The following LIFR variants were observed in gnomAD, a reference collection of about 807,000 sequenced individuals.
LIFR encodes the protein leukemia inhibitory factor receptor.
In LIFR, 84 loss-of-function variants were observed where a neutral mutation model predicts 122.2. The observed-to-expected ratio is 0.69, with a 90% CI of 0.58 to 0.82. The LOEUF (loss-of-function observed/expected upper bound fraction) is 0.82, where lower values mean the gene tolerates loss of function less well. Among genes scored for constraint, LIFR ranks in the 40% least tolerant of loss-of-function variants. LIFR has a pLI of 0.00. For synonymous variants in LIFR, 422 were observed against 434.7 expected, an observed-to-expected ratio of 0.97 and a Z score of 0.36; for missense variants, 1,294 against 1,311.6, an observed-to-expected ratio of 0.99 and a Z score of 0.21.
chr5:38,502,102 T>C (rs1405057787), intron 11 of LIFR, among the ~76,000 whole-genome samples: 1 of 152,074 alleles, frequency 6.6e-6, no homozygotes, highest in Non-Finnish European at 1.5e-5. Flanking sequence ...ATAGTATAGA[T>C]AGAGGAGCCC....
intron 1 of LIFR, among the ~76,000 whole-genome samples, chr5:38,539,529 C>G (rs1301715877): frequency 6.6e-6 from 1 of 152,130 alleles, no homozygotes; most frequent in East Asian, 1.9e-4. Context: ...TCGGTGAGGA[C>G]TTAAAATATT....
upstream of LIFR, among the ~76,000 whole-genome samples, chr5:38,597,686 G>A (rs1029037975): frequency 2.0e-5 from 3 of 152,172 alleles, no homozygotes; most frequent in East Asian, 1.9e-4. Flanking sequence ...AGCCCCAAAT[G>A]CAGAGGTTGA....
In LIFR at chr5:38,478,948, C is replaced by G; in HGVS notation, c.*2647G>C. 1.3e-5 allele frequency: 3 copies of G among 229,968 alleles called. No homozygotes were observed. The highest frequency in any genetic ancestry group is 2.6e-5 in the Non-Finnish European group (3 of 116,006). The allele number at this position is 229,968 out of a possible 1,614,324, so 14.2% of individuals were successfully genotyped here. A position where few individuals can be genotyped will look rare whatever the true frequency, so the allele number is the denominator to read the frequency against. On this transcript the variant is annotated 3_prime_UTR_variant, in exon 20 of 20. Transcript: ENST00000453190. ...TTAATTGTAGCTTCCAAGGGAGAAG[C>G]CACGAATCTAACTGGACAGAGCACA... is the stretch of plus-strand genomic sequence containing the variant.
Position 38,491,891 on chromosome 5 carries a change from C to T in LIFR, c.2066-1600G>A, listed in dbSNP as rs139086795. On this transcript the variant is annotated intron_variant, in intron 14 of 19. Transcript: ENST00000453190. ...AGGTTATCATTTTATACTGCATGTA[C>T]ATCTGTAAATCTGTACCTCTTTTTA... 7.1e-3 allele frequency among the ~76,000 whole-genome samples: 1,087 copies of T among 152,242 alleles called. 17 individuals are homozygous for T. Among genetic ancestry groups the T allele is most frequent in the Admixed American group, 0.034 (515 of 15,292 alleles).
rs111355677 is a variant in LIFR at position 38,584,612 on chromosome 5, G to GA, written c.-20+10648dup. Among the ~76,000 whole-genome samples the GA allele has an allele frequency of 1.6e-3, 234 of 147,938 alleles. 2 individuals are homozygous for GA. Among genetic ancestry groups the GA allele is most frequent in the African/African-American group, 5.4e-3 (217 of 40,492 alleles). On this transcript the variant is annotated intron_variant, in intron 1 of 19. Transcript: ENST00000263409. Reference sequence around the variant, plus strand: ...ATGCTCCGTGAGTAAGCCAGACACAGAAAAAAAAAATAGTGCAAGACCTAA... The same window carrying GA: ...ATGCTCCGTGAGTAAGCCAGACACAGAAAAAAAAAAATAGTGCAAGACCTAA...
Position 38,479,339 on chromosome 5 carries a change from G to A in LIFR, c.*2256C>T, listed in dbSNP as rs1028650851. On this transcript the variant is annotated 3_prime_UTR_variant, in exon 20 of 20. Transcript: ENST00000453190. ...CTCGTGTAGGGGATCCAAAAGTAGG[G>A]GAAAGGTGAGTGATATTCTGCACTT... The A allele has an allele frequency of 1.4e-4, 32 of 230,802 alleles. No individual in the cohort carries two copies. The Admixed American group carries it at 1.8e-3, about 13-fold the overall frequency. 14.3% of individuals were successfully genotyped at this position (230,802 alleles called of 1,614,324 possible). A position where few individuals can be genotyped will look rare whatever the true frequency, so the allele number is the denominator to read the frequency against.
At chr5:38,535,242 C>T (rs1292151821) in intron 1 of LIFR, among the ~76,000 whole-genome samples, 2 of 152,164 alleles carry the variant, frequency 1.3e-5, no homozygotes, top group African/African-American at 4.8e-5. Flanking sequence ...TAGGCCAGCA[C>T]CCTTTTTCCC....
intron 18 of LIFR, among the ~76,000 whole-genome samples, chr5:38,484,563 G>C (rs1425464741): frequency 6.6e-6 from 1 of 152,110 alleles, no homozygotes; most frequent in African/African-American, 2.4e-5. Flanking sequence ...AGGAAAAATA[G>C]TAGAAAAAAT....
chr5:38,497,210 C>A (rs1744929038), intron 12 of LIFR, among the ~76,000 whole-genome samples: 1 of 152,086 alleles, frequency 6.6e-6, no homozygotes, highest in African/African-American at 2.4e-5. Context: ...TTGAACCTGG[C>A]AGGTGGAGGT....
intron 1 of LIFR, among the ~76,000 whole-genome samples, chr5:38,565,015 C>G (rs1434137858): frequency 6.6e-6 from 1 of 152,114 alleles, no homozygotes; most frequent in South Asian, 2.1e-4. Flanking sequence ...CTCAAGCAAT[C>G]CATCCACCTT....
intron 1 of LIFR, among the ~76,000 whole-genome samples, chr5:38,535,692 T>C (rs947242992): frequency 6.6e-6 from 1 of 152,194 alleles, no homozygotes; most frequent in Non-Finnish European, 1.5e-5. Context: ...CCGAGTTCAC[T>C]GTAACCCTCA....
At chr5:38,506,187 A>G (rs1561154830) in intron 8 of LIFR, 113 bp from the exon 9 acceptor site, 1 of 702,476 alleles carries the variant, frequency 1.4e-6, no homozygotes, top group Non-Finnish European at 2.4e-6. Flanking sequence ...TCTAATTAGA[A>G]GCATATTACA....
chr5:38,506,412 C>T (rs2112473460), intron 8 of LIFR, 91 bp downstream of exon 8: 3 of 1,454,672 alleles, frequency 2.1e-6, no homozygotes, highest in South Asian at 2.3e-5. Flanking sequence ...TTGTTTGTAA[C>T]ATAAATGATC....
At chr5:38,566,335 C>T (rs927498075) in intron 1 of LIFR, among the ~76,000 whole-genome samples, 8 of 152,126 alleles carry the variant, frequency 5.3e-5, no homozygotes, top group South Asian at 2.1e-4. Flanking sequence ...AGTTTGCAGA[C>T]GTATCAGTTG....
In LIFR at chr5:38,602,910, C is replaced by T. The variant is rs930398214; in HGVS notation, n.305+3295G>A. Among the ~76,000 whole-genome samples, 10 of 152,238 alleles carry T rather than the reference C, an allele frequency of 6.6e-5. No homozygotes were observed. In the Middle Eastern group the frequency reaches 0.014, roughly 207 times the overall value. Reference sequence around the variant, plus strand: ...TGGGAAAAACAACTTCCTGGGAATACGCATTAAAAGACAAAATGGAGTATG... The same window carrying T: ...TGGGAAAAACAACTTCCTGGGAATATGCATTAAAAGACAAAATGGAGTATG... On this transcript the variant is annotated intron_variant and non_coding_transcript_variant, in intron 2 of 3. Coordinates refer to the LIFR transcript ENST00000507786.
chr5:38,513,232 G>C (rs1465266352), intron 5 of LIFR, among the ~76,000 whole-genome samples: 1 of 152,158 alleles, frequency 6.6e-6, no homozygotes, highest in Non-Finnish European at 1.5e-5. Context: ...ATGGATAATG[G>C]TAACTGATGT....
chr5:38,518,837 T>C (rs559963984), intron 5 of LIFR, among the ~76,000 whole-genome samples: 2 of 152,302 alleles, frequency 1.3e-5, no homozygotes, highest in Non-Finnish European at 2.9e-5. Flanking sequence ...TGCATGTTAC[T>C]GCCCCGAAGA....
rs548502269 is a variant in LIFR, at chr5:38,477,465, G to C, written c.*4130C>G. ...ATAGTTTATCAAGAGAATGAGTTCT[G>C]AATCAGTTAACCTCACACACGGACA... On this transcript the variant is annotated 3_prime_UTR_variant, in exon 20 of 20. Coordinates refer to ENST00000453190, the MANE Select transcript of LIFR (RefSeq NM_001127671.2). 1 of 215,596 alleles carries C rather than the reference G, an allele frequency of 4.6e-6. No homozygotes were observed. The highest frequency in any genetic ancestry group is 6.9e-5 in the East Asian group (1 of 14,440). The allele number at this position is 215,596 out of a possible 1,614,324, so 13.4% of individuals were successfully genotyped here. A position where few individuals can be genotyped will look rare whatever the true frequency, so the allele number is the denominator to read the frequency against.
rs1379642963 is a variant in LIFR, at chr5:38,572,547, A to G, written c.-20+22714T>C. 5.3e-5 allele frequency among the ~76,000 whole-genome samples: 8 copies of G among 152,310 alleles called. No individual in the cohort carries two copies. In the East Asian group the frequency reaches 1.5e-3, roughly 29 times the overall value. On this transcript the variant is annotated intron_variant, in intron 1 of 19. Coordinates refer to the LIFR transcript ENST00000263409. ...GAAAATCCTTATAAAGCACCCCTCA[A>G]CATTTGTGCTACCACCTGTTTATCC...
Sources: gnomAD v4.1 joint callset for allele counts (sites outside exome capture counted in the v4.1 genomes callset) on GRCh38, gnomAD v4.1.1 for gene constraint, MANE v1.5 for transcripts, NCBI Gene and HGNC (gene_info 2026-07-23, HGNC 2026-07-21) for gene names.